The following ABCE1 variants were observed in gnomAD, a reference collection of about 807,000 sequenced individuals.
ABCE1 encodes ATP binding cassette subfamily E member 1, also known as ATP-binding cassette sub-family E member 1.
In ABCE1, 22 loss-of-function variants were observed where a neutral mutation model predicts 83.4. The ratio of observed to expected loss-of-function variants is 0.26; its 90% CI spans 0.19 to 0.38. The LOEUF (loss-of-function observed/expected upper bound fraction) is 0.38. Among genes scored for constraint, ABCE1 ranks in the 10% least tolerant of loss-of-function variants. The pLI, the probability that ABCE1 is intolerant of heterozygous loss-of-function variation, is 1.00. For synonymous variants in ABCE1, 204 were observed against 233.7 expected, an observed-to-expected ratio of 0.87 and a Z score of 1.16; for missense variants, 330 against 721.9, an observed-to-expected ratio of 0.46 and a Z score of 6.22.
At chr4:145,119,911 T>G in intron 10 of ABCE1, 21 bp from the exon 11 acceptor site, 1 of 1,590,586 alleles carries the variant, frequency 6.3e-7, no homozygotes, top group Non-Finnish European at 8.6e-7. Flanking sequence ...TTCTCCCGGT[T>G]GACAATTTTC....
Position 145,108,062 on chromosome 4 carries a change from G to A in ABCE1, c.237G>A (p.Leu79=). The change falls in exon 4 of 18, where the codon TTG becomes TTA. Residue 79 remains leucine, a synonymous_variant. Transcript: ENST00000296577. ...ALSIVNLPSN[L]EKETTHRYCA... is the part of the protein sequence containing the mutation. The stretch of plus-strand genomic sequence containing the variant: ...CAATTGTCAATCTACCAAGCAACTT[G>A]GAAAAAGAAACCACACATCGATATT... 2.5e-6 allele frequency: 4 copies of A among 1,613,542 alleles called. No homozygotes were observed. The highest frequency in any genetic ancestry group is 3.4e-6 in the Non-Finnish European group (4 of 1,179,692).
At chr4:145,119,742 T>C (rs1378479906) in intron 10 of ABCE1, among the ~76,000 whole-genome samples, 190 bp from the exon 11 acceptor site, 1 of 151,970 alleles carries the variant, frequency 6.6e-6, no homozygotes, top group Non-Finnish European at 1.5e-5. Context: ...GGGACATGCA[T>C]ATATATTCAT....
intron 1 of ABCE1, among the ~76,000 whole-genome samples, chr4:145,103,777 T>TG (rs1749217761): frequency 6.6e-6 from 1 of 151,094 alleles, no homozygotes. Context: ...TTTTTTTTTT[T>TG]TTTTGAGACT....
At chr4:145,106,561 T>C (rs542505727) in intron 3 of ABCE1, among the ~76,000 whole-genome samples, 4 of 152,218 alleles carry the variant, frequency 2.6e-5, no homozygotes, top group African/African-American at 9.6e-5. Context: ...AAAATTATAT[T>C]AATTTAAATT....
chr4:145,114,661 C>CG (rs1401808034), intron 9 of ABCE1, among the ~76,000 whole-genome samples: 2 of 149,148 alleles, frequency 1.3e-5, no homozygotes, highest in African/African-American at 2.5e-5. Flanking sequence ...AGATGGACCT[C>CG]GGGGAAAAAA....
intron 9 of ABCE1, among the ~76,000 whole-genome samples, chr4:145,115,254 T>C (rs945909036): frequency 1.3e-5 from 2 of 151,906 alleles, no homozygotes; most frequent in Non-Finnish European, 2.9e-5. Context: ...GGGCAGGAAG[T>C]TTGACCTATT....
At chr4:145,109,601 A>G (rs575325055) in intron 5 of ABCE1, among the ~76,000 whole-genome samples, 75 of 152,316 alleles carry the variant, frequency 4.9e-4, no homozygotes, top group African/African-American at 1.7e-3. Flanking sequence ...TAAATTTCCA[A>G]CTTTAGTACA....
rs1215283971 is a variant in ABCE1 at position 145,123,604 on chromosome 4, A to G, written c.1640+4A>G. On this transcript the variant is annotated splice_donor_region_variant and intron_variant, in intron 16 of 17. Transcript: ENST00000296577. ...CTAAGAACACAGTTGCAAACAGGTAAAATTACTTTTTAATATGTTCAAAGT... is the reference window on the plus strand; with the variant it reads ...CTAAGAACACAGTTGCAAACAGGTAGAATTACTTTTTAATATGTTCAAAGT... 1 of 1,591,392 alleles carries G rather than the reference A, an allele frequency of 6.3e-7. No homozygotes were observed. Among genetic ancestry groups the G allele is most frequent in the Non-Finnish European group, 8.6e-7 (1 of 1,161,778 alleles).
chr4:145,119,380 T>C (rs1749682830), intron 10 of ABCE1, among the ~76,000 whole-genome samples: 1 of 151,972 alleles, frequency 6.6e-6, no homozygotes, highest in Non-Finnish European at 1.5e-5. Flanking sequence ...TCTGTTTAGA[T>C]AATGGTTGTT....
intron 10 of ABCE1, among the ~76,000 whole-genome samples, chr4:145,118,919 T>C (rs1292275546): frequency 6.6e-6 from 1 of 151,896 alleles, no homozygotes; most frequent in Non-Finnish European, 1.5e-5. Context: ...CTTAGTTCTT[T>C]GAGCCTTTAT....
In ABCE1 at chr4:145,124,941, C is replaced by T. The variant is rs377540736; in HGVS notation, c.1641-49C>T. On this transcript the variant is annotated intron_variant, in intron 16 of 17. Coordinates refer to ENST00000296577, the MANE Select transcript of ABCE1 (RefSeq NM_002940.3). The stretch of plus-strand genomic sequence containing the variant: ...TACCCTTCCTCTCAAAAGGTAGTTA[C>T]ATTTCTGAAGTAAAATTTAATCAAA... 4 of 1,344,734 alleles carry T rather than the reference C, an allele frequency of 3.0e-6. No homozygotes were observed. The African/African-American group carries it at 4.4e-5, about 15-fold the overall frequency. 83.3% of individuals were successfully genotyped at this position (1,344,734 alleles called of 1,614,324 possible).
chr4:145,105,593 T>C lies in ABCE1; in HGVS notation c.104-12T>C. ...AAAGGAAATGGCTTAATTATATCTT[T>C]TCCTTTACCAGGAAAATTATGCATA... On this transcript the variant is annotated splice_polypyrimidine_tract_variant and intron_variant, in intron 2 of 17. Coordinates refer to ENST00000296577, the MANE Select transcript of ABCE1 (RefSeq NM_002940.3). The C allele has an allele frequency of 6.4e-7, 1 of 1,568,498 alleles. No individual in the cohort carries two copies.
intron 1 of ABCE1, among the ~76,000 whole-genome samples, chr4:145,104,147 AT>A (rs1012034651): frequency 3.3e-5 from 5 of 151,764 alleles, no homozygotes; most frequent in African/African-American, 1.2e-4. Context: ...TGTAAATGAC[AT>A]TTTTTTCTTT....
chr4:145,101,592 T>C (rs1194944443), intron 1 of ABCE1, among the ~76,000 whole-genome samples: 5 of 152,190 alleles, frequency 3.3e-5, no homozygotes, highest in Non-Finnish European at 7.3e-5. Context: ...CAAAGAGATC[T>C]GTTAGGAAGC....
At chr4:145,102,728 T>G (rs945578700) in intron 1 of ABCE1, among the ~76,000 whole-genome samples, 45 of 152,158 alleles carry the variant, frequency 3.0e-4, no homozygotes, top group African/African-American at 1.1e-3. Context: ...AATCAAGAGA[T>G]AATGAAAGGT....
chr4:145,107,967 T>G (rs765442764), intron 3 of ABCE1, 48 bp from the exon 4 acceptor site: 2 of 1,438,180 alleles, frequency 1.4e-6, no homozygotes, highest in South Asian at 2.5e-5. Flanking sequence ...GTTATGTGTA[T>G]ATGTCTACAA....
intron 7 of ABCE1, 97 bp downstream of exon 7, chr4:145,110,541 C>A: frequency 8.7e-7 from 1 of 1,143,928 alleles, no homozygotes. Context: ...AATGATGCAA[C>A]CTCTGCTTAC....
intron 9 of ABCE1, among the ~76,000 whole-genome samples, chr4:145,114,223 A>G (rs1296883954): frequency 6.6e-6 from 1 of 152,118 alleles, no homozygotes; most frequent in Non-Finnish European, 1.5e-5. Flanking sequence ...AGGCAAGTGT[A>G]AAAATACAGT....
chr4:145,126,826 G>A (rs1246880413), intron 17 of ABCE1, among the ~76,000 whole-genome samples: 1 of 152,098 alleles, frequency 6.6e-6, no homozygotes, highest in Non-Finnish European at 1.5e-5. Flanking sequence ...CAGTATGTCT[G>A]GATGCCTTTT....
Sources: gnomAD v4.1 joint callset for allele counts (sites outside exome capture counted in the v4.1 genomes callset) on GRCh38, gnomAD v4.1.1 for gene constraint, MANE v1.5 for transcripts, NCBI Gene and HGNC (gene_info 2026-07-23, HGNC 2026-07-21) for gene names.